Variants in SNTB2 observed in about 807,000 individuals in gnomAD.
SNTB2 encodes beta-2-syntrophin.
A neutral mutation model predicts 46.2 loss-of-function variants in SNTB2; 34 were observed. The observed-to-expected ratio is 0.74, with a 90% CI of 0.56 to 0.98. The LOEUF is 0.98. Among genes scored for constraint, SNTB2 ranks in the 50% least tolerant of loss-of-function variants. The probability of loss-of-function intolerance (pLI) is 0.00; values close to 1 mark genes in which losing one functional copy is unlikely to be tolerated. For missense variants in SNTB2, 603 were observed against 731.4 expected (o/e 0.82, Z 2.02); for synonymous variants, 290 against 312.6 (o/e 0.93, Z 0.76).
At chr16:69,225,156 A>C (rs1964447150) in intron 1 of SNTB2, among the ~76,000 whole-genome samples, 1 of 152,250 alleles carries the variant, frequency 6.6e-6, no homozygotes, top group African/African-American at 2.4e-5. Flanking sequence ...TATACAAAAA[A>C]GAGAAAAGAA....
chr16:69,198,896 G>GTTT (rs1206371769), intron 1 of SNTB2, among the ~76,000 whole-genome samples: 21 of 127,676 alleles, frequency 1.6e-4, no homozygotes, highest in African/African-American at 2.9e-4. Context: ...ATATAATAAT[G>GTTT]TTTTTTTTTT....
In SNTB2 at chr16:69,187,456, C is replaced by T; in HGVS notation, c.290C>T (p.Pro97Leu). The change falls in exon 1 of 7, where the codon CCG becomes CTG. Residue 97 changes from proline (P) to leucine (L), a missense_variant. Around this residue, in one of 2 missense-constraint regions of SNTB2, gnomAD observed 537 missense variants for 692.4 expected, o/e 0.78. Coordinates refer to ENST00000336278, the MANE Select transcript of SNTB2 (RefSeq NM_006750.4). Reference sequence around the variant, plus strand: ...CGCGGCCTGGGGCCCCCGAGCCCGCCGGCGCCGCCTCGGGGCCCCGCGGGT... The same window carrying T: ...CGCGGCCTGGGGCCCCCGAGCCCGCTGGCGCCGCCTCGGGGCCCCGCGGGT... ...PSRGLGPPSP[P>L]APPRGPAGEA... 1.7e-6 allele frequency: 2 copies of T among 1,176,868 alleles called. No individual in the cohort carries two copies. The highest frequency in any genetic ancestry group is 2.1e-6 in the Non-Finnish European group (2 of 951,090). 72.9% of individuals were successfully genotyped at this position (1,176,868 alleles called of 1,614,324 possible).
chr16:69,255,042 T>C (rs1428111517), intron 2 of SNTB2, among the ~76,000 whole-genome samples: 1 of 152,208 alleles, frequency 6.6e-6, no homozygotes, highest in Admixed American at 6.5e-5. Context: ...CATTTCTGTC[T>C]TTATTGTAAT....
chr16:69,290,313 G>C (rs1045582479), intron 5 of SNTB2, among the ~76,000 whole-genome samples: 9 of 152,098 alleles, frequency 5.9e-5, no homozygotes, highest in African/African-American at 1.7e-4. Flanking sequence ...ACTTTTAAAG[G>C]CTTATTTTCA....
At chr16:69,262,648 T>C (rs1964845234) in intron 3 of SNTB2, among the ~76,000 whole-genome samples, 1 of 152,170 alleles carries the variant, frequency 6.6e-6, no homozygotes, top group African/African-American at 2.4e-5. Context: ...TAAAAACATT[T>C]AAAATTTTTT....
At chr16:69,224,805 G>A (rs934920509) in intron 1 of SNTB2, among the ~76,000 whole-genome samples, 13 of 152,088 alleles carry the variant, frequency 8.5e-5, no homozygotes, top group Non-Finnish European at 1.6e-4. Flanking sequence ...CTGTATTACT[G>A]TTACTTATTT....
chr16:69,224,829 G>A (rs904097457), intron 1 of SNTB2, among the ~76,000 whole-genome samples: 1 of 152,092 alleles, frequency 6.6e-6, no homozygotes, highest in African/African-American at 2.4e-5. Flanking sequence ...TGCTCAAATT[G>A]TTCCAGCTTT....
intron 1 of SNTB2, among the ~76,000 whole-genome samples, chr16:69,190,798 G>T (rs78942696): frequency 1.3e-5 from 2 of 152,258 alleles, no homozygotes; most frequent in African/African-American, 4.8e-5. Flanking sequence ...TAACCCCTAG[G>T]CAAGTTACTT....
chr16:69,252,994 G>A (rs937958769), intron 2 of SNTB2, among the ~76,000 whole-genome samples: 45 of 151,348 alleles, frequency 3.0e-4, no homozygotes, highest in African/African-American at 1.1e-3. Flanking sequence ...CCACCTCCCG[G>A]GTTCACGCCA....
intron 2 of SNTB2, among the ~76,000 whole-genome samples, chr16:69,253,218 G>T (rs1430362846): frequency 2.0e-5 from 3 of 151,816 alleles, no homozygotes; most frequent in Non-Finnish European, 2.9e-5. Flanking sequence ...AGTTTTAATG[G>T]TTTCTTCAAA....
At position 69,284,261 on chromosome 16, in the gene SNTB2, T is replaced by C. The variant is rs1387468331; in HGVS notation, c.1345+17T>C. 1 of 1,582,252 alleles carries C rather than the reference T, an allele frequency of 6.3e-7. No homozygotes were observed. On this transcript the variant is annotated intron_variant, in intron 5 of 6. Coordinates refer to ENST00000336278, the MANE Select transcript of SNTB2 (RefSeq NM_006750.4). ...TCTCTCTAGGTAGAGATGCTGACTT[T>C]TTATTTCTAGTAGTAATTAAATAGA...
intron 1 of SNTB2, among the ~76,000 whole-genome samples, chr16:69,202,278 C>T (rs1964170136): frequency 6.6e-6 from 1 of 150,822 alleles, no homozygotes; most frequent in East Asian, 1.9e-4. Flanking sequence ...GGAGTAACTC[C>T]TCACATGTCC....
intron 1 of SNTB2, among the ~76,000 whole-genome samples, chr16:69,212,608 A>G (rs1421491338): frequency 1.3e-5 from 2 of 152,046 alleles, no homozygotes; most frequent in African/African-American, 4.8e-5. Context: ...AAGTGCTGGG[A>G]TTACAGGCGT....
intron 1 of SNTB2, among the ~76,000 whole-genome samples, chr16:69,232,307 G>A (rs1477246715): frequency 1.3e-5 from 2 of 149,998 alleles, no homozygotes; most frequent in East Asian, 2.0e-4. Context: ...CTAGGTTCAC[G>A]CCATTCTCCT....
intron 3 of SNTB2, among the ~76,000 whole-genome samples, chr16:69,265,822 G>A (rs1464788714): frequency 1.4e-5 from 2 of 145,632 alleles, no homozygotes; most frequent in Admixed American, 6.9e-5. Flanking sequence ...GTGAGTCTCC[G>A]TGCCAAAGAA....
At chr16:69,286,551 G>A (rs970539853) in intron 5 of SNTB2, among the ~76,000 whole-genome samples, 9 of 151,836 alleles carry the variant, frequency 5.9e-5, no homozygotes, top group Non-Finnish European at 1.2e-4. Flanking sequence ...TGGGAGTGGT[G>A]ACACACATCT....
chr16:69,288,395 AT>A (rs1965126555), intron 5 of SNTB2, among the ~76,000 whole-genome samples: 1 of 152,220 alleles, frequency 6.6e-6, no homozygotes, highest in African/African-American at 2.4e-5. Flanking sequence ...CAAAAGAAAC[AT>A]ATTTTTCGGT....
At position 69,304,264 on chromosome 16, in the gene SNTB2, GTATT is replaced by G. The variant is rs1162651638; in HGVS notation, c.*3345_*3348del. On this transcript the variant is annotated 3_prime_UTR_variant, in exon 7 of 7. Coordinates refer to ENST00000336278, the MANE Select transcript of SNTB2 (RefSeq NM_006750.4). The stretch of plus-strand genomic sequence containing the variant: ...AAATACTTAAATATAAGTTCCTGCA[GTATT>G]TATTAGATAGTTGTAACTGTAAACT... 1 of 152,562 alleles carries G rather than the reference GTATT, an allele frequency of 6.6e-6. No homozygotes were observed. Among genetic ancestry groups the G allele is most frequent in the Non-Finnish European group, 1.5e-5 (1 of 68,038 alleles). 9.5% of individuals were successfully genotyped at this position (152,562 alleles called of 1,614,324 possible).
Position 69,300,986 on chromosome 16 carries a change from A to G in SNTB2, c.*62A>G. 1 of 1,079,754 alleles carries G rather than the reference A, an allele frequency of 9.3e-7. No homozygotes were observed. The highest frequency in any genetic ancestry group is 1.4e-5 in the South Asian group (1 of 73,684). The allele number at this position is 1,079,754 out of a possible 1,614,324, so 66.9% of individuals were successfully genotyped here. On this transcript the variant is annotated 3_prime_UTR_variant, in exon 7 of 7. Transcript: ENST00000336278. ...AGAAATATTTCCACCTCAAAAAAAA[A>G]AAAGCACAAAAAGAAACTCTTTGCT... is the stretch of plus-strand genomic sequence containing the variant.
Sources: gnomAD v4.1 joint callset for allele counts (sites outside exome capture counted in the v4.1 genomes callset) on GRCh38, gnomAD v4.1.1 for gene constraint, gnomAD v4.1.1 regional missense constraint, MANE v1.5 for transcripts, NCBI Gene and HGNC (gene_info 2026-07-23, HGNC 2026-07-21) for gene names.